AGMO: variants seen among roughly 807,000 people sequenced by gnomAD.
The protein encoded by AGMO is alkylglycerol monooxygenase, also known as glyceryl-ether monooxygenase.
Under a neutral mutation model 60.2 loss-of-function variants are expected in AGMO, and 75 were observed. The ratio of observed to expected loss-of-function variants is 1.25; its 90% CI spans 1.03 to 1.51. The LOEUF is 1.51. Among genes scored for constraint, AGMO ranks in the 40% most tolerant of loss-of-function variants. The probability of loss-of-function intolerance (pLI) is 0.00; values close to 1 mark genes in which losing one functional copy is unlikely to be tolerated. For missense variants in AGMO, 763 were observed against 525.5 expected (o/e 1.45, Z -4.42); for synonymous variants, 261 against 177.1 (o/e 1.47, Z -3.76).
intron 12 of AGMO, among the ~76,000 whole-genome samples, chr7:15,320,876 TA>T (rs1208889251): frequency 2.0e-5 from 3 of 152,218 alleles, no homozygotes; most frequent in Non-Finnish European, 2.9e-5. Context: ...TTGGATGGTA[TA>T]ACTTTAGTTT....
intron 12 of AGMO, among the ~76,000 whole-genome samples, chr7:15,361,332 G>A (rs1417347172): frequency 6.6e-6 from 1 of 150,992 alleles, no homozygotes; most frequent in Admixed American, 6.6e-5. Context: ...CAGGTCAGGA[G>A]ATTGAGACCA....
chr7:15,125,565 T>C, the AGMO span, among the ~76,000 whole-genome samples: 3 of 152,114 alleles, frequency 2.0e-5, no homozygotes, highest in Non-Finnish European at 4.4e-5. Flanking sequence ...CCTCTCTATT[T>C]TTTTAAACAC....
chr7:15,460,646 T>C (rs1782120949), intron 3 of AGMO, among the ~76,000 whole-genome samples: 1 of 152,108 alleles, frequency 6.6e-6, no homozygotes, highest in South Asian at 2.1e-4. Context: ...CTAGGTTTTA[T>C]GCTAATTTAG....
At chr7:15,206,339 A>G (rs1431956001) in intron 12 of AGMO, among the ~76,000 whole-genome samples, 1 of 147,942 alleles carries the variant, frequency 6.8e-6, no homozygotes, top group African/African-American at 2.4e-5. Flanking sequence ...AAAATATTCT[A>G]TATATACAAA....
intron 10 of AGMO, among the ~76,000 whole-genome samples, chr7:15,382,760 G>T (rs943936394): frequency 6.6e-6 from 1 of 151,974 alleles, no homozygotes; most frequent in African/African-American, 2.4e-5. Context: ...TGAATATTCT[G>T]TTTTTTTAGA....
the AGMO span, among the ~76,000 whole-genome samples, chr7:15,180,075 C>A: frequency 6.6e-6 from 1 of 152,268 alleles, no homozygotes; most frequent in Non-Finnish European, 1.5e-5. Context: ...CTTTGAAATG[C>A]CTTTGGGGTC....
At chr7:15,418,764 T>C (rs1002842264) in intron 4 of AGMO, 111 bp from the exon 5 acceptor site, 3 of 647,018 alleles carry the variant, frequency 4.6e-6, no homozygotes, top group African/African-American at 2.0e-5. Context: ...TCTCATACTA[T>C]ATACTGTATA....
intron 12 of AGMO, among the ~76,000 whole-genome samples, chr7:15,284,111 T>C (rs1041773590): frequency 6.6e-6 from 1 of 152,068 alleles, no homozygotes; most frequent in Non-Finnish European, 1.5e-5. Context: ...TAGTGCTAAA[T>C]GCCTCCATCA....
chr7:15,161,481 T>C, the AGMO span, among the ~76,000 whole-genome samples: 4 of 151,350 alleles, frequency 2.6e-5, no homozygotes, highest in Non-Finnish European at 4.4e-5. Flanking sequence ...TATAAGTATA[T>C]GCTTGTATAA....
chr7:15,359,921 C>A (rs1782685447), intron 12 of AGMO, among the ~76,000 whole-genome samples: 1 of 152,062 alleles, frequency 6.6e-6, no homozygotes, highest in Non-Finnish European at 1.5e-5. Flanking sequence ...GAGAAACTAA[C>A]TGGGAAAAGG....
At chr7:15,395,252 G>A (rs966683123) in intron 5 of AGMO, among the ~76,000 whole-genome samples, 1 of 152,158 alleles carries the variant, frequency 6.6e-6, no homozygotes, top group Non-Finnish European at 1.5e-5. Flanking sequence ...GTTAAATGAT[G>A]CGAAAGGGCA....
intron 12 of AGMO, among the ~76,000 whole-genome samples, chr7:15,317,024 C>T (rs986351654): frequency 2.0e-5 from 3 of 152,108 alleles, no homozygotes; most frequent in Non-Finnish European, 2.9e-5. Flanking sequence ...CCACATGTGG[C>T]ATTGTTATTA....
At chr7:15,518,725 G>A (rs1032659727) in intron 3 of AGMO, among the ~76,000 whole-genome samples, 1 of 152,016 alleles carries the variant, frequency 6.6e-6, no homozygotes, top group Non-Finnish European at 1.5e-5. Context: ...AAAAAACAGT[G>A]CAAAAAGGGC....
chr7:15,439,893 C>T (rs1328098983), intron 3 of AGMO, among the ~76,000 whole-genome samples: 1 of 152,090 alleles, frequency 6.6e-6, no homozygotes, highest in Admixed American at 6.6e-5. Context: ...TGGGATGAGA[C>T]CCCCCGACCC....
intron 10 of AGMO, among the ~76,000 whole-genome samples, chr7:15,368,778 A>C (rs1783086384): frequency 6.6e-6 from 1 of 152,238 alleles, no homozygotes; most frequent in East Asian, 1.9e-4. Flanking sequence ...TCACAGATGA[A>C]ATAAGTACAT....
intron 10 of AGMO, among the ~76,000 whole-genome samples, chr7:15,378,017 T>C (rs1186098238): frequency 6.6e-6 from 1 of 152,030 alleles, no homozygotes; most frequent in East Asian, 1.9e-4. Flanking sequence ...GTTTCATCAT[T>C]AGCTCTAGCA....
At chr7:15,267,933 T>C (rs189540593) in intron 12 of AGMO, among the ~76,000 whole-genome samples, 1 of 152,102 alleles carries the variant, frequency 6.6e-6, no homozygotes, top group Non-Finnish European at 1.5e-5. Flanking sequence ...TAAAATATAA[T>C]GAATCTATTA....
intron 3 of AGMO, among the ~76,000 whole-genome samples, chr7:15,513,971 C>A (rs1485153832): frequency 6.6e-6 from 1 of 152,164 alleles, no homozygotes; most frequent in Non-Finnish European, 1.5e-5. Context: ...AACAACAGGG[C>A]TAAACTTTTG....
intron 12 of AGMO, among the ~76,000 whole-genome samples, chr7:15,272,611 G>A (rs1220401787): frequency 1.3e-5 from 2 of 152,040 alleles, no homozygotes; most frequent in Non-Finnish European, 2.9e-5. Flanking sequence ...TATCTTTACA[G>A]CAGCATGGTT....
Sources: allele counts gnomAD v4.1 joint callset (sites outside exome capture counted in the v4.1 genomes callset), GRCh38; gene constraint gnomAD v4.1.1; transcripts MANE v1.5; gene names NCBI Gene and HGNC (gene_info 2026-07-23, HGNC 2026-07-21).